The following SUGCT variants were observed in gnomAD, a reference collection of about 807,000 sequenced individuals.
The protein encoded by SUGCT is succinyl-CoA:glutarate CoA-transferase.
In SUGCT, 41 loss-of-function variants were observed where a neutral mutation model predicts 55.0. The observed-to-expected ratio is 0.74, with a 90% confidence interval of 0.58 to 0.97. The LOEUF (loss-of-function observed/expected upper bound fraction) is 0.97, where lower values mean the gene tolerates loss of function less well. Ranked by LOEUF, SUGCT falls within the 50% of genes least tolerant of loss-of-function variation. The probability of loss-of-function intolerance (pLI) is 0.00; values close to 1 mark genes in which losing one functional copy is unlikely to be tolerated. For synonymous variants in SUGCT, 187 were observed against 200.4 expected (o/e 0.93, Z 0.56); for missense variants, 568 against 547.8 (o/e 1.04, Z -0.37).
chr7:40,962,235 G>A, the SUGCT span, among the ~76,000 whole-genome samples: 1 of 152,074 alleles, frequency 6.6e-6, no homozygotes. Flanking sequence ...CAAACCTTTA[G>A]CTAGACACAG....
chr7:40,901,930 GT>G, the SUGCT span, among the ~76,000 whole-genome samples: 1 of 152,164 alleles, frequency 6.6e-6, no homozygotes, highest in East Asian at 1.9e-4. Context: ...GAGCCTTGCG[GT>G]GCACATCCAG....
intron 9 of SUGCT, among the ~76,000 whole-genome samples, chr7:40,360,445 C>T (rs534737292): frequency 6.6e-6 from 1 of 152,186 alleles, no homozygotes; most frequent in Non-Finnish European, 1.5e-5. Flanking sequence ...ATGATTTCAA[C>T]AAATGCTGAG....
chr7:40,190,401 T>C (rs1198820184), intron 5 of SUGCT, among the ~76,000 whole-genome samples: 1 of 152,028 alleles, frequency 6.6e-6, no homozygotes. Flanking sequence ...AGGTGTGCAC[T>C]AGCACACCTG....
intron 8 of SUGCT, among the ~76,000 whole-genome samples, chr7:40,284,054 A>T (rs1793148605): frequency 6.6e-6 from 1 of 152,024 alleles, no homozygotes; most frequent in Non-Finnish European, 1.5e-5. Context: ...TAGAAAGAAA[A>T]ATATCACATG....
chr7:40,528,376 C>T (rs968942562), intron 12 of SUGCT, among the ~76,000 whole-genome samples: 4 of 152,124 alleles, frequency 2.6e-5, no homozygotes, highest in Non-Finnish European at 5.9e-5. Context: ...TACCTTTAGA[C>T]AGTCATCTTT....
chr7:41,033,615 G>T, the SUGCT span, among the ~76,000 whole-genome samples: 1 of 152,124 alleles, frequency 6.6e-6, no homozygotes, highest in African/African-American at 2.4e-5. Flanking sequence ...GGGATGGGAG[G>T]TATGCATGCA....
intron 13 of SUGCT, among the ~76,000 whole-genome samples, chr7:40,806,314 A>G (rs896295502): frequency 1.3e-5 from 2 of 151,998 alleles, no homozygotes; most frequent in African/African-American, 4.8e-5. Flanking sequence ...CCCTAAATCC[A>G]CCCTGCTTTA....
intron 13 of SUGCT, among the ~76,000 whole-genome samples, chr7:40,779,159 A>G (rs73125734): frequency 0.011 from 1,730 of 152,218 alleles, 14 homozygotes; most frequent in Middle Eastern, 0.044. Flanking sequence ...CAGTTTCCTC[A>G]TCTGCAAAAT....
At chr7:40,364,416 T>C (rs546177458) in intron 9 of SUGCT, among the ~76,000 whole-genome samples, 2 of 152,284 alleles carry the variant, frequency 1.3e-5, no homozygotes, top group East Asian at 3.9e-4. Context: ...GTCTCAATGG[T>C]CTTTACATTT....
At chr7:40,648,995 C>G (rs941306213) in intron 12 of SUGCT, among the ~76,000 whole-genome samples, 1 of 152,064 alleles carries the variant, frequency 6.6e-6, no homozygotes, top group Non-Finnish European at 1.5e-5. Flanking sequence ...ATTTATGAAA[C>G]TTTTTTCTTA....
At chr7:40,220,199 A>C (rs115520456) in intron 6 of SUGCT, among the ~76,000 whole-genome samples, 3 of 151,996 alleles carry the variant, frequency 2.0e-5, no homozygotes, top group Non-Finnish European at 4.4e-5. Context: ...ATCTCTCTCT[A>C]TAAGTGTTTT....
intron 12 of SUGCT, among the ~76,000 whole-genome samples, chr7:40,733,914 T>C (rs749426423): frequency 1.3e-5 from 2 of 152,210 alleles, no homozygotes; most frequent in South Asian, 2.1e-4. Context: ...AGAGTGATAA[T>C]GAGTCTTAAA....
At chr7:40,268,044 AT>A (rs1177242852) in intron 7 of SUGCT, among the ~76,000 whole-genome samples, 1 of 152,130 alleles carries the variant, frequency 6.6e-6, no homozygotes, top group African/African-American at 2.4e-5. Context: ...TTTAAACTTT[AT>A]TTTTCCTGCT....
the SUGCT span, among the ~76,000 whole-genome samples, chr7:40,920,688 G>T: frequency 1.3e-5 from 2 of 152,108 alleles, no homozygotes; most frequent in Admixed American, 1.3e-4. Flanking sequence ...TTGTTGATTG[G>T]CAGATCTTCT....
chr7:40,837,760 CCCA>C (rs1793064740), intron 13 of SUGCT, among the ~76,000 whole-genome samples: 1 of 151,972 alleles, frequency 6.6e-6, no homozygotes, highest in Admixed American at 6.6e-5. Context: ...ATTACAGGCA[CCCA>C]CCACCATGCC....
chr7:40,181,526 A>ACT (rs1785206630), intron 2 of SUGCT, among the ~76,000 whole-genome samples: 1 of 151,960 alleles, frequency 6.6e-6, no homozygotes, highest in Non-Finnish European at 1.5e-5. Context: ...CGGGCGGATC[A>ACT]TGAGGTCAGG....
At chr7:41,035,185 C>T in the SUGCT span, among the ~76,000 whole-genome samples, 15 of 152,212 alleles carry the variant, frequency 9.9e-5, no homozygotes, top group Non-Finnish European at 1.5e-4. Flanking sequence ...GTATTCGTAT[C>T]GCTGAGAAAA....
chr7:40,422,026 C>T (rs1787334239), intron 9 of SUGCT, among the ~76,000 whole-genome samples: 1 of 151,126 alleles, frequency 6.6e-6, no homozygotes, highest in African/African-American at 2.4e-5. Flanking sequence ...CACTTAATGT[C>T]ATTTGTCCTC....
At chr7:40,387,398 A>T (rs1237650878) in intron 9 of SUGCT, among the ~76,000 whole-genome samples, 1 of 152,168 alleles carries the variant, frequency 6.6e-6, no homozygotes, top group Non-Finnish European at 1.5e-5. Flanking sequence ...ATCTATGGAC[A>T]GGGTTCAGGG....
Sources: gnomAD v4.1 joint callset for allele counts (sites outside exome capture counted in the v4.1 genomes callset) on GRCh38, gnomAD v4.1.1 for gene constraint, MANE v1.5 for transcripts, NCBI Gene and HGNC (gene_info 2026-07-23, HGNC 2026-07-21) for gene names.